The following CAMSAP2 variants were observed in gnomAD, a reference collection of about 807,000 sequenced individuals.
CAMSAP2 encodes the protein calmodulin regulated spectrin associated protein family member 2, also known as calmodulin-regulated spectrin-associated protein 2.
CAMSAP2 carries 26 observed loss-of-function variants against 146.1 expected under a neutral mutation model. The ratio of observed to expected loss-of-function variants is 0.18; its 90% CI spans 0.13 to 0.25. The LOEUF (loss-of-function observed/expected upper bound fraction) is 0.25, where lower values mean the gene tolerates loss of function less well. Among genes scored for constraint, CAMSAP2 ranks in the 10% least tolerant of loss-of-function variants. The pLI, the probability that CAMSAP2 is intolerant of heterozygous loss-of-function variation, is 1.00. For missense variants in CAMSAP2, 1,381 were observed against 1,759.3 expected (o/e 0.78, Z 3.85); for synonymous variants, 499 against 596.6 (o/e 0.84, Z 2.38).
Position 200,849,371 on chromosome 1 carries a change from T to C in CAMSAP2, c.2602T>C (p.Ser868Pro), listed in dbSNP as rs779219296. The C allele has an allele frequency of 2.7e-5, 43 of 1,613,900 alleles. No homozygotes were observed. The highest frequency in any genetic ancestry group is 3.6e-5 in the Non-Finnish European group (43 of 1,179,990). ...GAAGCAGTGGAACCTGGCAAGCCCCTCAGAAGAAACTTTAAATGAAGGAGA... is the reference window on the plus strand; with the variant it reads ...GAAGCAGTGGAACCTGGCAAGCCCCCCAGAAGAAACTTTAAATGAAGGAGA... Reference protein sequence around the residue: ...PEKQWNLASPSEETLNEGEIL... With the variant: ...PEKQWNLASPPEETLNEGEIL... The change falls in exon 11 of 17, where the codon TCA becomes CCA. Residue 868 changes from serine to proline, a missense_variant. Transcript: ENST00000358823. This position sits in a 1 kb window ranked among gnomAD's most constrained non-coding sequence, Gnocchi z 6.3.
At chr1:200,850,308 AG>A in intron 11 of CAMSAP2, 74 bp downstream of exon 11, 1 of 1,292,240 alleles carries the variant, frequency 7.7e-7, no homozygotes, top group Middle Eastern at 1.9e-4. Context: ...TTTTTTTTTC[AG>A]TTGACATGCT....
chr1:200,852,749 T>C lies in CAMSAP2; in HGVS notation c.3602+72T>C. 5 of 1,488,870 alleles carry C rather than the reference T, an allele frequency of 3.4e-6. No individual in the cohort carries two copies. In the South Asian group the frequency reaches 6.8e-5, roughly 20 times the overall value. The allele number at this position is 1,488,870 out of a possible 1,614,324, so 92.2% of individuals were successfully genotyped here. The stretch of plus-strand genomic sequence containing the variant: ...CATGGGCATATTTAGAAAAAGTTGG[T>C]AAGTACTCAAAGAGGTGGTCTCTCA... On this transcript the variant is annotated intron_variant, in intron 12 of 16. Transcript: ENST00000358823.
chr1:200,768,799 G>A (rs760450740), intron 2 of CAMSAP2, among the ~76,000 whole-genome samples: 9 of 151,976 alleles, frequency 5.9e-5, no homozygotes, highest in Non-Finnish European at 1.3e-4. Context: ...GACTACAGGC[G>A]TGTGCCACCA....
chr1:200,832,869 C>T lies in CAMSAP2; in HGVS notation c.927+24C>T. The T allele has an allele frequency of 1.3e-6, 2 of 1,541,072 alleles. No homozygotes were observed. Among genetic ancestry groups the T allele is most frequent in the African/African-American group, 1.4e-5 (1 of 71,124 alleles). ...AGGTAAATTAAATTATTCTTTTTTTCCCTTTGCTTTGTTAAAATATGTTTT... is the reference window on the plus strand; with the variant it reads ...AGGTAAATTAAATTATTCTTTTTTTTCCTTTGCTTTGTTAAAATATGTTTT... On this transcript the variant is annotated intron_variant, in intron 6 of 16. Coordinates refer to ENST00000358823, the MANE Select transcript of CAMSAP2 (RefSeq NM_203459.4). The surrounding 1 kb of genome is among the most constrained non-coding windows in gnomAD (Gnocchi z 4.2).
At chr1:200,806,163 G>A (rs1327017730) in intron 2 of CAMSAP2, among the ~76,000 whole-genome samples, 1 of 152,156 alleles carries the variant, frequency 6.6e-6, no homozygotes, top group Non-Finnish European at 1.5e-5. Flanking sequence ...AAAGTCTGGA[G>A]AAAAACTAGG....
intron 1 of CAMSAP2, among the ~76,000 whole-genome samples, chr1:200,744,268 G>T (rs1012923937): frequency 6.6e-6 from 1 of 152,172 alleles, no homozygotes; most frequent in South Asian, 2.1e-4. Flanking sequence ...ATGTTGCAGA[G>T]ATTTAATCTC....
intron 1 of CAMSAP2, among the ~76,000 whole-genome samples, chr1:200,759,567 G>A (rs967858742): frequency 1.3e-5 from 2 of 152,152 alleles, no homozygotes; most frequent in Admixed American, 1.3e-4. Flanking sequence ...GTGAGCCACC[G>A]CGCCCAGCTG....
rs764261326 is a variant in CAMSAP2, at chr1:200,844,875, C to T, written c.1109+6C>T. 1.9e-5 allele frequency: 28 copies of T among 1,491,374 alleles called. No individual in the cohort carries two copies. The South Asian group carries it at 2.5e-4, about 13-fold the overall frequency. The allele number at this position is 1,491,374 out of a possible 1,614,324, so 92.4% of individuals were successfully genotyped here. Reference sequence around the variant, plus strand: ...AGTTCTGACTTCCCTTCAAGGTAAACTCCACAATGACTTTATTTTCACCAT... The same window carrying T: ...AGTTCTGACTTCCCTTCAAGGTAAATTCCACAATGACTTTATTTTCACCAT... On this transcript the variant is annotated splice_donor_region_variant and intron_variant, in intron 8 of 16. Transcript: ENST00000358823.
intron 1 of CAMSAP2, among the ~76,000 whole-genome samples, chr1:200,752,743 A>G (rs887122997): frequency 3.3e-5 from 5 of 151,812 alleles, no homozygotes; most frequent in Non-Finnish European, 7.4e-5. Context: ...CAGCCTCCCA[A>G]GTAGCTGGGA....
In CAMSAP2 at chr1:200,850,117, C is replaced by T. The variant is rs569271779; in HGVS notation, c.3348C>T (p.Ser1116=). The T allele has an allele frequency of 4.3e-6, 7 of 1,613,998 alleles. No homozygotes were observed. The African/African-American group carries it at 6.7e-5, about 15-fold the overall frequency. The change falls in exon 11 of 17, where the codon TCC becomes TCT. Residue 1116 remains serine (S), a synonymous_variant. Coordinates refer to ENST00000358823, the MANE Select transcript of CAMSAP2 (RefSeq NM_203459.4). Reference sequence around the variant, plus strand: ...AAAATGTTAATCTGATTGAAGTTTCCCTCTCAGATTTGAAACCCCCTGAAA... The same window carrying T: ...AAAATGTTAATCTGATTGAAGTTTCTCTCTCAGATTTGAAACCCCCTGAAA... The part of the protein sequence containing the change: ...APKNVNLIEV[S]LSDLKPPEKA...
intron 2 of CAMSAP2, among the ~76,000 whole-genome samples, chr1:200,776,373 G>A (rs1013441522): frequency 6.6e-6 from 1 of 152,206 alleles, no homozygotes; most frequent in Admixed American, 6.5e-5. Context: ...TAAAAGGGCT[G>A]TTTTTGTCCT....
intron 7 of CAMSAP2, among the ~76,000 whole-genome samples, chr1:200,843,419 C>T (rs1224226895): frequency 6.6e-6 from 1 of 152,274 alleles, no homozygotes; most frequent in Non-Finnish European, 1.5e-5. Context: ...AATATCGAGT[C>T]ACTATATAAC....
chr1:200,814,541 C>A (rs557925304), intron 3 of CAMSAP2, among the ~76,000 whole-genome samples: 4 of 136,376 alleles, frequency 2.9e-5, no homozygotes, highest in African/African-American at 1.1e-4. Context: ...ACCCAGGAGA[C>A]GGAGGCTGCA....
chr1:200,795,216 G>T (rs1665854649), intron 2 of CAMSAP2, among the ~76,000 whole-genome samples: 1 of 152,160 alleles, frequency 6.6e-6, no homozygotes, highest in Non-Finnish European at 1.5e-5. Flanking sequence ...GACTTGTTGG[G>T]TAGGCCCTGG....
chr1:200,740,293 A>C (rs1664124912), intron 1 of CAMSAP2, among the ~76,000 whole-genome samples: 1 of 151,562 alleles, frequency 6.6e-6, no homozygotes, highest in East Asian at 1.9e-4. Flanking sequence ...TGTTGCGTAC[A>C]TTTCTGCCTC....
At chr1:200,751,984 G>A (rs747986036) in intron 1 of CAMSAP2, among the ~76,000 whole-genome samples, 5 of 152,182 alleles carry the variant, frequency 3.3e-5, no homozygotes, top group Non-Finnish European at 7.3e-5. Context: ...GACTTATTGT[G>A]TGCAACATGG....
intron 2 of CAMSAP2, among the ~76,000 whole-genome samples, chr1:200,772,578 C>A (rs1179117800): frequency 6.6e-6 from 1 of 152,066 alleles, no homozygotes; most frequent in African/African-American, 2.4e-5. Flanking sequence ...CACTGCACTC[C>A]AGCCTGTGCG....
chr1:200,784,778 G>T (rs1665538920), intron 2 of CAMSAP2, among the ~76,000 whole-genome samples: 1 of 152,114 alleles, frequency 6.6e-6, no homozygotes. Context: ...AACAGTTAAT[G>T]TTGAGTAAAA....
At chr1:200,759,023 T>TCAG (rs745327205) in intron 1 of CAMSAP2, among the ~76,000 whole-genome samples, 1 of 152,210 alleles carries the variant, frequency 6.6e-6, no homozygotes, top group Non-Finnish European at 1.5e-5. Flanking sequence ...TGTAAAACTG[T>TCAG]CAGCACCTCC....
Sources: allele counts gnomAD v4.1 joint callset (sites outside exome capture counted in the v4.1 genomes callset), GRCh38; gene constraint gnomAD v4.1.1; non-coding constraint Gnocchi (gnomAD v3.1); transcripts MANE v1.5; gene names NCBI Gene and HGNC (gene_info 2026-07-23, HGNC 2026-07-21).